SLC5A4: variants seen among roughly 807,000 people sequenced by gnomAD.
SLC5A4 encodes the protein probable glucose sensor protein SLC5A4.
Under a neutral mutation model 70.3 loss-of-function variants are expected in SLC5A4, and 55 were observed. The observed-to-expected ratio is 0.78, with a 90% CI of 0.63 to 0.98. SLC5A4 has a LOEUF of 0.98. Ranked by LOEUF, SLC5A4 falls within the 50% of genes least tolerant of loss-of-function variation. SLC5A4 has a pLI of 0.00. For missense variants in SLC5A4, 735 were observed against 839.2 expected (o/e 0.88, Z 1.53); for synonymous variants, 268 against 305.7 (o/e 0.88, Z 1.29).
chr22:32,292,447 C>G, the SLC5A4 span, among the ~76,000 whole-genome samples: 1 of 148,530 alleles, frequency 6.7e-6, no homozygotes. Flanking sequence ...TAGAAAATCC[C>G]CATATGTTTG....
the SLC5A4 span, among the ~76,000 whole-genome samples, chr22:32,308,493 G>C: frequency 6.6e-6 from 1 of 152,186 alleles, no homozygotes; most frequent in South Asian, 2.1e-4. Flanking sequence ...CACACCCACA[G>C]CCCTAGTCTG....
the SLC5A4 span, chr22:32,327,456 C>G: frequency 6.6e-6 from 1 of 152,366 alleles, no homozygotes; most frequent in African/African-American, 2.4e-5. Flanking sequence ...AAAGCAGAGA[C>G]AATGACTCCA....
At chr22:32,314,416 T>G in the SLC5A4 span, among the ~76,000 whole-genome samples, 1 of 152,214 alleles carries the variant, frequency 6.6e-6, no homozygotes, top group Non-Finnish European at 1.5e-5. Context: ...GGCTTAATAA[T>G]GTTTATCAAA....
the SLC5A4 span, among the ~76,000 whole-genome samples, chr22:32,307,342 T>C: frequency 1.3e-5 from 2 of 152,074 alleles, no homozygotes; most frequent in South Asian, 4.2e-4. Flanking sequence ...GAAACTGGGG[T>C]GGTGGGAGCA....
intron 6 of SLC5A4, among the ~76,000 whole-genome samples, chr22:32,238,660 C>T (rs1660420346): frequency 6.6e-6 from 1 of 152,180 alleles, no homozygotes; most frequent in Non-Finnish European, 1.5e-5. Context: ...ATCTGAGCTG[C>T]TACTTCCTCC....
upstream of SLC5A4, chr22:32,255,415 C>G (rs745633432): frequency 3.4e-6 from 5 of 1,460,582 alleles, no homozygotes; most frequent in Non-Finnish European, 4.7e-6. Context: ...GCAGGTGGGG[C>G]GAGATATCAG....
intron 2 of SLC5A4, among the ~76,000 whole-genome samples, chr22:32,253,193 A>G (rs1241901263): frequency 6.6e-6 from 1 of 152,206 alleles, no homozygotes; most frequent in African/African-American, 2.4e-5. Context: ...CTGTGAAGGA[A>G]GCATTTGCTA....
chr22:32,308,703 A>C, the SLC5A4 span, among the ~76,000 whole-genome samples: 1 of 147,910 alleles, frequency 6.8e-6, no homozygotes, highest in East Asian at 2.2e-4. Context: ...TCAGCTGCCT[A>C]CTTGCTGCTT....
chr22:32,300,531 G>A, the SLC5A4 span, among the ~76,000 whole-genome samples: 13 of 150,968 alleles, frequency 8.6e-5, no homozygotes, highest in Non-Finnish European at 1.3e-4. Flanking sequence ...CACACGGTGC[G>A]CGCACCCACT....
the SLC5A4 span, among the ~76,000 whole-genome samples, chr22:32,291,177 T>TCTGC: frequency 6.8e-6 from 1 of 147,152 alleles, no homozygotes; most frequent in Admixed American, 6.8e-5. Flanking sequence ...TTCATTGTTC[T>TCTGC]CTTTTTATAT....
chr22:32,251,169 A>C (rs962945537), intron 3 of SLC5A4, among the ~76,000 whole-genome samples: 6 of 148,962 alleles, frequency 4.0e-5, no homozygotes, highest in East Asian at 2.0e-4. Context: ...AAAAAAAAAA[A>C]AAAAAAACCA....
At chr22:32,285,857 C>G in the SLC5A4 span, among the ~76,000 whole-genome samples, 1 of 152,062 alleles carries the variant, frequency 6.6e-6, no homozygotes, top group Non-Finnish European at 1.5e-5. Context: ...CTGCCTCAGC[C>G]TCCTGAGTAG....
the SLC5A4 span, among the ~76,000 whole-genome samples, chr22:32,267,791 C>A: frequency 6.6e-6 from 1 of 152,214 alleles, no homozygotes; most frequent in Non-Finnish European, 1.5e-5. Context: ...GCAGGACAGC[C>A]CAGTATAGAC....
the SLC5A4 span, among the ~76,000 whole-genome samples, chr22:32,333,243 G>A: frequency 6.8e-6 from 1 of 147,820 alleles, no homozygotes; most frequent in Non-Finnish European, 1.5e-5. Flanking sequence ...ACCCAGTCCA[G>A]TGGAAACAGG....
chr22:32,342,997 C>T, the SLC5A4 span: 8 of 152,328 alleles, frequency 5.3e-5, no homozygotes, highest in African/African-American at 1.7e-4. Flanking sequence ...AAAAATCATC[C>T]CTTTCAGATC....
the SLC5A4 span, among the ~76,000 whole-genome samples, chr22:32,275,968 T>C: frequency 2.0e-5 from 3 of 152,346 alleles, no homozygotes; most frequent in East Asian, 5.8e-4. Context: ...TGATGGCCAG[T>C]GATAATGAGC....
the SLC5A4 span, among the ~76,000 whole-genome samples, chr22:32,316,932 CTCTG>C: frequency 1.8e-3 from 121 of 67,440 alleles, no homozygotes; most frequent in African/African-American, 8.4e-3. Flanking sequence ...TAATTAACAA[CTCTG>C]TGTGTGTGTG....
chr22:32,351,718 G>GGGGGGGGTA, the SLC5A4 span, among the ~76,000 whole-genome samples: 15 of 61,402 alleles, frequency 2.4e-4, no homozygotes, highest in South Asian at 8.6e-4. Flanking sequence ...TGGGGGGCGT[G>GGGGGGGGTA]GGGGGAGGGT....
rs369463725 is a variant in SLC5A4, at chr22:32,224,429, TATC to T, written c.1500_1502del (p.Met500del). The T allele has an allele frequency of 8.4e-4, 1,352 of 1,614,062 alleles. 3 individuals are homozygous for T. Among genetic ancestry groups the T allele is most frequent in the Non-Finnish European group, 9.9e-4 (1,169 of 1,179,944 alleles). On this transcript the variant is annotated inframe_deletion, in exon 13 of 15. Transcript: ENST00000266086. ...TCCCTGTTCCATAAGCAAACTCTGT[TATC>T]ATACGAATGAGGCCCATTGCAAGTC...
Sources: allele counts gnomAD v4.1 joint callset (sites outside exome capture counted in the v4.1 genomes callset), GRCh38; gene constraint gnomAD v4.1.1; transcripts MANE v1.5; gene names NCBI Gene and HGNC (gene_info 2026-07-23, HGNC 2026-07-21).